Variants in IKBKB observed in about 807,000 individuals in gnomAD.
IKBKB encodes inhibitor of nuclear factor kappa B kinase subunit beta.
IKBKB carries 42 observed loss-of-function variants against 113.6 expected under a neutral mutation model. That is an observed-to-expected ratio of 0.37 (90% confidence interval 0.29 to 0.48). The LOEUF is 0.48. Ranked by LOEUF, IKBKB falls within the 20% of genes least tolerant of loss-of-function variation. The pLI, the probability that IKBKB is intolerant of heterozygous loss-of-function variation, is 0.99. For missense variants in IKBKB, 673 were observed against 939.7 expected (o/e 0.72, Z 3.71); for synonymous variants, 296 against 361.3 (o/e 0.82, Z 2.05).
intron 20 of IKBKB, among the ~76,000 whole-genome samples, chr8:42,327,507 G>C (rs183164648): frequency 6.6e-6 from 1 of 151,404 alleles, no homozygotes; most frequent in Non-Finnish European, 1.5e-5. Context: ...CTGATTTTTT[G>C]TAGTTTTAGT....
intron 2 of IKBKB, among the ~76,000 whole-genome samples, chr8:42,273,904 G>A (rs1304332670): frequency 2.0e-5 from 3 of 152,136 alleles, no homozygotes; most frequent in Non-Finnish European, 4.4e-5. Flanking sequence ...ATGGGGTACA[G>A]TGTGATATTT....
chr8:42,280,700 T>C (rs1810198405), intron 2 of IKBKB, among the ~76,000 whole-genome samples: 1 of 152,122 alleles, frequency 6.6e-6, no homozygotes, highest in African/African-American at 2.4e-5. Context: ...CTGTGTACAC[T>C]TGGCTGTGAG....
intron 20 of IKBKB, among the ~76,000 whole-genome samples, chr8:42,328,753 C>CT (rs1252210640): frequency 3.3e-5 from 5 of 151,930 alleles, no homozygotes; most frequent in South Asian, 2.1e-4. Context: ...ATTCCTTGGC[C>CT]TTTTTTTTGT....
chr8:42,325,085 G>C, intron 19 of IKBKB: 1 of 242,686 alleles, frequency 4.1e-6, no homozygotes, highest in Non-Finnish European at 6.6e-6. Context: ...CAGGTGTGGG[G>C]CCTGGGGGGC....
chr8:42,322,545 T>C, intron 19 of IKBKB, 51 bp downstream of exon 19: 1 of 1,596,988 alleles, frequency 6.3e-7, no homozygotes, highest in Non-Finnish European at 8.6e-7. Flanking sequence ...CTCCTGTGCC[T>C]TTCCACCTCT....
At chr8:42,306,523 G>A (rs1200511606) in intron 7 of IKBKB, 91 bp downstream of exon 7, 2 of 822,076 alleles carry the variant, frequency 2.4e-6, no homozygotes, top group Non-Finnish European at 4.2e-6. Flanking sequence ...CAGCACCTGA[G>A]TCCCACCGGC....
chr8:42,297,501 A>T (rs1308599311), intron 5 of IKBKB, among the ~76,000 whole-genome samples: 1 of 152,308 alleles, frequency 6.6e-6, no homozygotes, highest in East Asian at 1.9e-4. Context: ...CTAACCTCCC[A>T]GAGACACCCG....
At chr8:42,296,772 T>C (rs961349285) in intron 5 of IKBKB, among the ~76,000 whole-genome samples, 12 of 152,220 alleles carry the variant, frequency 7.9e-5, no homozygotes, top group Admixed American at 4.6e-4. Context: ...GGTCCAATAC[T>C]GGCTCCTTTG....
chr8:42,317,830 C>A, intron 12 of IKBKB, 59 bp downstream of exon 12: 2 of 1,262,812 alleles, frequency 1.6e-6, no homozygotes, highest in Non-Finnish European at 2.3e-6. Flanking sequence ...TGGGACAAGG[C>A]AGGGAAGGGA....
chr8:42,321,625 A>G lies in IKBKB; in HGVS notation c.1689-271A>G, dbSNP rs191510226. On this transcript the variant is annotated intron_variant, in intron 16 of 21. Transcript: ENST00000520810. ...CAGCCTCGACCTCCCAGGCTTATGC[A>G]GTCCTCCCATCTCAGCCTCCCAAGT... 2.6e-4 allele frequency: 103 copies of G among 403,028 alleles called. 1 individual carries two copies. In the East Asian group the frequency reaches 3.4e-3, roughly 13 times the overall value. 25.0% of individuals were successfully genotyped at this position (403,028 alleles called of 1,614,324 possible). A position where few individuals can be genotyped will look rare whatever the true frequency, so the allele number is the denominator to read the frequency against.
chr8:42,326,247 A>AGT lies in IKBKB; in HGVS notation c.2114+152_2114+153dup, dbSNP rs1166231663. 3.1e-5 allele frequency: 28 copies of AGT among 912,244 alleles called. No homozygotes were observed. In the African/African-American group the frequency reaches 4.4e-4, roughly 14 times the overall value. The allele number at this position is 912,244 out of a possible 1,614,324, so 56.5% of individuals were successfully genotyped here. A position where few individuals can be genotyped will look rare whatever the true frequency, so the allele number is the denominator to read the frequency against. On this transcript the variant is annotated intron_variant, in intron 20 of 21. Coordinates refer to ENST00000520810, the MANE Select transcript of IKBKB (RefSeq NM_001556.3). ...ATCTGCTGGGTCCTGTGGGGACAAAAGTGATACATGTTTGGCTCTCATAGT... is the reference window on the plus strand; with the variant it reads ...ATCTGCTGGGTCCTGTGGGGACAAAAGTGTGATACATGTTTGGCTCTCATAGT...
At chr8:42,278,306 G>A (rs1176063937) in intron 2 of IKBKB, among the ~76,000 whole-genome samples, 1 of 152,228 alleles carries the variant, frequency 6.6e-6, no homozygotes, top group African/African-American at 2.4e-5. Context: ...GACGGTGCAA[G>A]TCAGATCCTG....
chr8:42,276,953 G>A (rs1191100372), intron 2 of IKBKB, among the ~76,000 whole-genome samples: 1 of 139,934 alleles, frequency 7.1e-6, no homozygotes, highest in African/African-American at 2.7e-5. Context: ...TGCAAGCTCC[G>A]CCTCCCGGGT....
At chr8:42,329,678 A>G (rs1821436657) in intron 21 of IKBKB, 2 of 985,256 alleles carry the variant, frequency 2.0e-6, no homozygotes, top group South Asian at 9.4e-5. Flanking sequence ...CACCTGCACC[A>G]TTGGTACTAC....
At chr8:42,311,567 AAAAAAAAAAAAG>A (rs1356897565) in intron 8 of IKBKB, among the ~76,000 whole-genome samples, 2 of 150,312 alleles carry the variant, frequency 1.3e-5, no homozygotes, top group African/African-American at 4.9e-5. Flanking sequence ...TCTTACCAAA[AAAAAAAAAAAAG>A]AAAAAAGAAA....
intron 8 of IKBKB, among the ~76,000 whole-genome samples, chr8:42,313,129 A>T (rs1818037566): frequency 6.6e-6 from 1 of 152,222 alleles, no homozygotes; most frequent in African/African-American, 2.4e-5. Flanking sequence ...TCTTCTTATT[A>T]CCAAGATTTG....
Position 42,273,714 on chromosome 8 carries a change from G to C in IKBKB, c.105+1509G>C, listed in dbSNP as rs1415158898. Among the ~76,000 whole-genome samples, 4 of 151,600 alleles carry C rather than the reference G, an allele frequency of 2.6e-5. No individual in the cohort carries two copies. The East Asian group carries it at 7.7e-4, about 29-fold the overall frequency. On this transcript the variant is annotated intron_variant, in intron 2 of 21. Coordinates refer to ENST00000520810, the MANE Select transcript of IKBKB (RefSeq NM_001556.3). ...AGCCATGGGACCTGGCCTCAGCTGA[G>C]GTTTTTTTTTTATTTTTTGTAGTGA...
Position 42,330,971 on chromosome 8 carries a change from G to T in IKBKB, c.2263G>T (p.Ala755Ser), listed in dbSNP as rs202054179. ...EEEEHSCLEQAS is the reference protein window; with the variant it reads ...EEEEHSCLEQSS ...AGAAGAGCACAGCTGCCTGGAGCAG[G>T]CCTCATGATGTGGGGGGACTCGACC... The change falls in exon 22 of 22, where the codon GCC (alanine) becomes TCC (serine). Residue 755 changes from alanine to serine, a missense_variant. By Grantham distance (99) the Ala-to-Ser change is moderately conservative. Around this residue, in one of 2 missense-constraint regions of IKBKB, gnomAD observed 506 missense variants for 638.7 expected, o/e 0.79. Transcript: ENST00000520810. 237 of 1,614,112 alleles carry T rather than the reference G, an allele frequency of 1.5e-4. 4 individuals are homozygous for T. The Middle Eastern group carries it at 2.0e-3, about 13-fold the overall frequency.
chr8:42,285,283 G>A (rs1354915880), intron 2 of IKBKB, among the ~76,000 whole-genome samples: 1 of 152,146 alleles, frequency 6.6e-6, no homozygotes, highest in Non-Finnish European at 1.5e-5. Flanking sequence ...CAGGGGCTTA[G>A]GCCTGTAATC....
Sources: gnomAD v4.1 joint callset for allele counts (sites outside exome capture counted in the v4.1 genomes callset) on GRCh38, gnomAD v4.1.1 for gene constraint, gnomAD v4.1.1 regional missense constraint, MANE v1.5 for transcripts, NCBI Gene and HGNC (gene_info 2026-07-23, HGNC 2026-07-21) for gene names.